Variants in USP13 observed in about 807,000 individuals in gnomAD.
USP13 encodes the protein ubiquitin carboxyl-terminal hydrolase 13.
In USP13, 68 loss-of-function variants were observed where a neutral mutation model predicts 107.8. The ratio of observed to expected loss-of-function variants is 0.63; its 90% CI spans 0.52 to 0.77. The LOEUF is 0.77. Among genes scored for constraint, USP13 ranks in the 30% least tolerant of loss-of-function variants. USP13 has a pLI of 0.00. For synonymous variants in USP13, 377 were observed against 389.5 expected (o/e 0.97, Z 0.38); for missense variants, 945 against 1,093.3 (o/e 0.86, Z 1.91).
At chr3:179,724,329 G>A (rs185488757) in intron 8 of USP13, among the ~76,000 whole-genome samples, 2 of 151,108 alleles carry the variant, frequency 1.3e-5, no homozygotes, top group African/African-American at 4.9e-5. Flanking sequence ...ATGGTGGTGT[G>A]TGCCTATAAT....
chr3:179,745,311 C>T, intron 13 of USP13, 94 bp downstream of exon 13: 1 of 1,453,948 alleles, frequency 6.9e-7, no homozygotes, highest in Admixed American at 2.0e-5. Flanking sequence ...TTATTTGTGT[C>T]TGTGTGTGTT....
chr3:179,682,848 G>A (rs948431591), intron 2 of USP13, among the ~76,000 whole-genome samples: 2 of 152,150 alleles, frequency 1.3e-5, no homozygotes, highest in African/African-American at 4.8e-5. Context: ...TGGTAGTGCA[G>A]GCTCATGTTA....
intron 1 of USP13, among the ~76,000 whole-genome samples, chr3:179,669,806 T>C (rs1576912621): frequency 6.6e-6 from 1 of 151,158 alleles, no homozygotes; most frequent in Non-Finnish European, 1.5e-5. Context: ...GTCTAGACTA[T>C]AGCCTCTCAA....
intron 17 of USP13, 52 bp from the exon 18 acceptor site, chr3:179,763,950 C>CAAAAAAAA: frequency 1.6e-6 from 2 of 1,225,910 alleles, no homozygotes; most frequent in Non-Finnish European, 2.1e-6. Context: ...TGTTTCAGGA[C>CAAAAAAAA]AAAAAAAAAA....
chr3:179,717,627 A>G (rs1478756905), intron 6 of USP13, among the ~76,000 whole-genome samples: 2 of 150,378 alleles, frequency 1.3e-5, no homozygotes, highest in African/African-American at 4.9e-5. Flanking sequence ...CTATCTCCCT[A>G]ATTAATAACA....
At chr3:179,707,293 G>T (rs1712756601) in intron 5 of USP13, among the ~76,000 whole-genome samples, 2 of 151,016 alleles carry the variant, frequency 1.3e-5, no homozygotes, top group Non-Finnish European at 3.0e-5. Flanking sequence ...CCCTGAAGCT[G>T]CCAGTTGCAA....
chr3:179,765,977 GTTTTT>G (rs373091102), intron 19 of USP13, 129 bp downstream of exon 19: 4 of 743,522 alleles, frequency 5.4e-6, no homozygotes, highest in Non-Finnish European at 5.7e-6. Flanking sequence ...CATCTTCTTC[GTTTTT>G]TTTTTTTTTC....
chr3:179,723,420 A>G (rs908347206), intron 8 of USP13, among the ~76,000 whole-genome samples: 4 of 152,210 alleles, frequency 2.6e-5, no homozygotes, highest in African/African-American at 9.6e-5. Context: ...TGAAGTAAGC[A>G]GGAGATACAG....
At chr3:179,692,414 T>C (rs1007955325) in intron 3 of USP13, among the ~76,000 whole-genome samples, 1 of 152,244 alleles carries the variant, frequency 6.6e-6, no homozygotes, top group Non-Finnish European at 1.5e-5. Context: ...CTCATGCTTT[T>C]CTGTACGAGG....
intron 16 of USP13, among the ~76,000 whole-genome samples, chr3:179,758,744 C>T (rs1389694242): frequency 6.6e-6 from 1 of 152,062 alleles, no homozygotes; most frequent in Non-Finnish European, 1.5e-5. Context: ...GTGATCCACC[C>T]GCCTCGGCCT....
chr3:179,753,996 A>G (rs1043269771), intron 14 of USP13, among the ~76,000 whole-genome samples: 9 of 152,202 alleles, frequency 5.9e-5, no homozygotes, highest in African/African-American at 1.9e-4. Flanking sequence ...TATTTATTCA[A>G]TATCTTAGTT....
rs566735016 is a variant in USP13, at chr3:179,739,949, A to G, written c.1255-298A>G. Among the ~76,000 whole-genome samples the G allele has an allele frequency of 3.9e-5, 6 of 152,258 alleles. No individual in the cohort carries two copies. The South Asian group carries it at 8.3e-4, about 21-fold the overall frequency. Reference sequence around the variant, plus strand: ...GTCACTGCGTAGCAAGTCCTGTGAGAATGAGCCGAGTGCCTGACTTTAGAA... The same window carrying G: ...GTCACTGCGTAGCAAGTCCTGTGAGGATGAGCCGAGTGCCTGACTTTAGAA... On this transcript the variant is annotated intron_variant, in intron 10 of 20. Transcript: ENST00000263966.
intron 1 of USP13, among the ~76,000 whole-genome samples, chr3:179,658,248 C>G (rs1410700265): frequency 6.6e-6 from 1 of 152,218 alleles, no homozygotes; most frequent in Non-Finnish European, 1.5e-5. Context: ...GCCACTGCAC[C>G]TGGCCAACTG....
At chr3:179,784,013 C>A in intron 20 of USP13, 35 bp from the exon 21 acceptor site, 1 of 1,568,882 alleles carries the variant, frequency 6.4e-7, no homozygotes, top group Non-Finnish European at 8.7e-7. Context: ...CTGGAACTGA[C>A]TTAAATCCAT....
chr3:179,692,343 T>C (rs533941859), intron 3 of USP13, among the ~76,000 whole-genome samples: 9 of 152,272 alleles, frequency 5.9e-5, no homozygotes, highest in Non-Finnish European at 1.3e-4. Flanking sequence ...GTTTCTTTCC[T>C]GGTTTGATTC....
intron 19 of USP13, among the ~76,000 whole-genome samples, chr3:179,766,168 C>T (rs1038608434): frequency 2.0e-5 from 3 of 151,936 alleles, no homozygotes; most frequent in East Asian, 1.9e-4. Context: ...TTAGTAGAGA[C>T]GGGGATTCAC....
rs1713298982 is a variant in USP13, at chr3:179,721,109, T to G, written c.901-293T>G. 6.6e-6 allele frequency among the ~76,000 whole-genome samples: 1 copy of G among 151,992 alleles called. No homozygotes were observed. The highest frequency in any genetic ancestry group is 2.4e-5 in the African/African-American group (1 of 41,414). ...CAGGTGTGAACCGCTGCGCCCGGCC[T>G]CTCTTTAAAATCTTTTTCATGTGTG... On this transcript the variant is annotated intron_variant, in intron 7 of 20. Coordinates refer to ENST00000263966, the MANE Select transcript of USP13 (RefSeq NM_003940.3). The surrounding 1 kb of genome is among the most constrained non-coding windows in gnomAD (Gnocchi z 4.3).
chr3:179,700,980 T>C, intron 3 of USP13, 28 bp from the exon 4 acceptor site: 1 of 1,602,896 alleles, frequency 6.2e-7, no homozygotes, highest in Non-Finnish European at 8.5e-7. Context: ...TCCTCACTTC[T>C]TGTTCTTTGT....
chr3:179,724,053 G>A (rs970915850), intron 8 of USP13, among the ~76,000 whole-genome samples: 2 of 151,102 alleles, frequency 1.3e-5, no homozygotes, highest in Admixed American at 6.6e-5. Flanking sequence ...CCAGCTACTC[G>A]GGAGGCTGAG....
Sources: gnomAD v4.1 joint callset for allele counts (sites outside exome capture counted in the v4.1 genomes callset) on GRCh38, gnomAD v4.1.1 for gene constraint, Gnocchi (gnomAD v3.1) non-coding constraint, MANE v1.5 for transcripts, NCBI Gene and HGNC (gene_info 2026-07-23, HGNC 2026-07-21) for gene names.